The following CHEK1 variants were observed in gnomAD, a reference collection of about 807,000 sequenced individuals.
CHEK1 encodes serine/threonine-protein kinase Chk1.
A neutral mutation model predicts 60.2 loss-of-function variants in CHEK1; 32 were observed. The ratio of observed to expected loss-of-function variants is 0.53; its 90% CI spans 0.40 to 0.71. The LOEUF (loss-of-function observed/expected upper bound fraction) is 0.71. CHEK1 is among the 30% of genes least tolerant of loss of function. CHEK1 has a pLI of 0.00. For synonymous variants in CHEK1, 179 were observed against 187.2 expected, an observed-to-expected ratio of 0.96 and a Z score of 0.36; for missense variants, 399 against 564.6, an observed-to-expected ratio of 0.71 and a Z score of 2.97.
At chr11:125,659,046 G>T (rs1050960964), downstream of CHEK1, among the ~76,000 whole-genome samples, 2 of 152,012 alleles carry the variant, frequency 1.3e-5, no homozygotes, top group African/African-American at 4.8e-5. Context: ...TGTGTAGAAT[G>T]TGAGGTAGAG....
intron 13 of CHEK1, among the ~76,000 whole-genome samples, chr11:125,668,819 A>G (rs1942145530): frequency 6.6e-6 from 1 of 152,158 alleles, no homozygotes; most frequent in South Asian, 2.1e-4. Flanking sequence ...AGCCTCCTAA[A>G]GTTCTGAGAT....
downstream of CHEK1, among the ~76,000 whole-genome samples, chr11:125,678,676 C>T (rs537575734): frequency 6.6e-6 from 1 of 152,138 alleles, no homozygotes; most frequent in African/African-American, 2.4e-5. Context: ...CAGAAGTTCG[C>T]CACCAACCCT....
At chr11:125,677,680 T>C (rs181834370), downstream of CHEK1, 6 of 1,360,638 alleles carry the variant, frequency 4.4e-6, no homozygotes, top group Non-Finnish European at 6.1e-6. Context: ...AGAGAGCTGT[T>C]TGTGAAGTGT....
At chr11:125,650,458 G>GTT (rs71279471) in intron 11 of CHEK1, among the ~76,000 whole-genome samples, 9,196 of 130,638 alleles carry the variant, frequency 0.07, 482 homozygotes, top group African/African-American at 0.097. Context: ...AGTGGTGTTT[G>GTT]TTTTTTTTTT....
intron 11 of CHEK1, among the ~76,000 whole-genome samples, chr11:125,645,267 T>C (rs1366782855): frequency 1.3e-5 from 2 of 152,176 alleles, no homozygotes; most frequent in Non-Finnish European, 2.9e-5. Context: ...ACAATAACAG[T>C]TGACTGCCTA....
chr11:125,680,568 A>G (rs780013303), downstream of CHEK1, among the ~76,000 whole-genome samples: 8 of 152,194 alleles, frequency 5.3e-5, no homozygotes, highest in Non-Finnish European at 1.0e-4. Flanking sequence ...TAGAGAAATC[A>G]ACTGGTTCAG....
intron 4 of CHEK1, 43 bp downstream of exon 4, chr11:125,629,339 G>A: frequency 6.2e-6 from 10 of 1,612,302 alleles, no homozygotes; most frequent in Non-Finnish European, 8.5e-6. Flanking sequence ...AAATTAGAGT[G>A]AATACATTAC....
intron 13 of CHEK1, among the ~76,000 whole-genome samples, chr11:125,670,452 ACTC>A (rs1212485177): frequency 6.6e-6 from 1 of 151,896 alleles, no homozygotes; most frequent in Non-Finnish European, 1.5e-5. Flanking sequence ...GAGATTCTGT[ACTC>A]TTCTGTTCCT....
chr11:125,651,715 C>G (rs114598151), intron 11 of CHEK1, among the ~76,000 whole-genome samples: 60 of 152,290 alleles, frequency 3.9e-4, no homozygotes, highest in African/African-American at 1.4e-3. Flanking sequence ...AAGGCTGCTA[C>G]TGAGTGAGGA....
chr11:125,661,339 T>A (rs1167844260), downstream of CHEK1, among the ~76,000 whole-genome samples: 1 of 152,064 alleles, frequency 6.6e-6, no homozygotes, highest in African/African-American at 2.4e-5. Context: ...TGAGACAGGG[T>A]CTCACTCTGT....
chr11:125,639,149 G>A (rs769160355), intron 8 of CHEK1, among the ~76,000 whole-genome samples: 1 of 151,818 alleles, frequency 6.6e-6, no homozygotes, highest in Non-Finnish European at 1.5e-5. Context: ...ATCATACTTA[G>A]TGGGTAAAAC....
Position 125,653,777 on chromosome 11 carries a change from A to C in CHEK1, c.1265A>C (p.Asn422Thr), listed in dbSNP as rs1941814104. 1 of 1,596,154 alleles carries C rather than the reference A, an allele frequency of 6.3e-7. No homozygotes were observed. The highest frequency in any genetic ancestry group is 8.6e-7 in the Non-Finnish European group (1 of 1,169,024). ...ATATCAACAACTGATAGGAGAAACAATAAACTCATTTTCAAAGTGAATTTG... is the reference window on the plus strand; with the variant it reads ...ATATCAACAACTGATAGGAGAAACACTAAACTCATTTTCAAAGTGAATTTG... ...VTISTTDRRN[N>T]KLIFKVNLLE... The change falls in exon 12 of 13, where the codon AAT becomes ACT. Residue 422 changes from asparagine (N) to threonine (T), a missense_variant. This residue lies in a region of CHEK1 where 29 missense variants were observed against 69.8 expected (regional missense o/e 0.42). Coordinates refer to ENST00000438015, the MANE Select transcript of CHEK1 (RefSeq NM_001114122.3). The surrounding 1 kb of genome is among the most constrained non-coding windows in gnomAD (Gnocchi z 4.3).
In CHEK1 at chr11:125,644,656, G is replaced by T; in HGVS notation, c.1233+13G>T. ...TTGTATGAATCAGGTGTGTTTCATT[G>T]ATTTTCATTATACCTTTTCCTGAAG... On this transcript the variant is annotated intron_variant, in intron 11 of 12. Coordinates refer to ENST00000438015, the MANE Select transcript of CHEK1 (RefSeq NM_001114122.3). 1.2e-6 allele frequency: 2 copies of T among 1,609,320 alleles called. No homozygotes were observed. The highest frequency in any genetic ancestry group is 1.7e-6 in the Non-Finnish European group (2 of 1,178,236).
In CHEK1 at chr11:125,656,348, CT is replaced by C. The variant is rs1165978004; in HGVS notation, c.*1029del. 2 of 205,784 alleles carry C rather than the reference CT, an allele frequency of 9.7e-6. No individual in the cohort carries two copies. The highest frequency in any genetic ancestry group is 2.0e-5 in the Non-Finnish European group (2 of 100,722). The allele number at this position is 205,784 out of a possible 1,614,324, so 12.7% of individuals were successfully genotyped here. ...CTTGGATGACAGAGTAAGACCCTAC[CT>C]CTAATAAAAATTTTTAAAATTGTAA... On this transcript the variant is annotated 3_prime_UTR_variant, in exon 13 of 13. Coordinates refer to ENST00000438015, the MANE Select transcript of CHEK1 (RefSeq NM_001114122.3).
At position 125,630,451 on chromosome 11, in the gene CHEK1, C is replaced by A. The variant is rs1335675842; in HGVS notation, c.424+991C>A. 3.3e-5 allele frequency among the ~76,000 whole-genome samples: 5 copies of A among 151,830 alleles called. No homozygotes were observed. The South Asian group carries it at 6.2e-4, about 19-fold the overall frequency. On this transcript the variant is annotated intron_variant, in intron 5 of 12. Transcript: ENST00000438015. ...TTAGGCCCCTGAGTAGCTGGGATTA[C>A]AAGCCTGAGTCACCACACCTGGCTC...
intron 11 of CHEK1, among the ~76,000 whole-genome samples, chr11:125,650,071 G>A (rs1941654995): frequency 6.6e-6 from 1 of 151,946 alleles, no homozygotes. Flanking sequence ...TTCGGAGTTC[G>A]TTGAGCTTCT....
chr11:125,676,101 T>C (rs1942493463), exon 14 of CHEK1: 7 of 334,382 alleles, frequency 2.1e-5, no homozygotes, highest in Non-Finnish European at 3.4e-5. Flanking sequence ...AGAGATGGGG[T>C]TTTTTCATGT....
chr11:125,628,953 A>G (rs570530662), intron 3 of CHEK1, among the ~76,000 whole-genome samples: 1 of 152,330 alleles, frequency 6.6e-6, no homozygotes, highest in African/African-American at 2.4e-5. Flanking sequence ...AATCAGGGTT[A>G]GTATAAGAGG....
chr11:125,625,567 G>C lies in CHEK1; in HGVS notation c.-466G>C. 1 of 588,952 alleles carries C rather than the reference G, an allele frequency of 1.7e-6. No homozygotes were observed. Among genetic ancestry groups the C allele is most frequent in the Non-Finnish European group, 3.0e-6 (1 of 329,858 alleles). The allele number at this position is 588,952 out of a possible 1,614,324, so 36.5% of individuals were successfully genotyped here. On this transcript the variant is annotated 5_prime_UTR_variant, in exon 1 of 13. Transcript: ENST00000438015. The stretch of plus-strand genomic sequence containing the variant: ...AGTCCTGTCCGGTGGCCTCACGCAG[G>C]TGGCGGTGCAGCCTTTCAGGCCCAG...
Sources: gnomAD v4.1 joint callset for allele counts (sites outside exome capture counted in the v4.1 genomes callset) on GRCh38, gnomAD v4.1.1 for gene constraint, gnomAD v4.1.1 regional missense constraint, Gnocchi (gnomAD v3.1) non-coding constraint, MANE v1.5 for transcripts, NCBI Gene and HGNC (gene_info 2026-07-23, HGNC 2026-07-21) for gene names.